Variants in PTPRD observed in about 807,000 individuals in gnomAD.
PTPRD encodes the protein receptor-type tyrosine-protein phosphatase delta.
In PTPRD, 34 loss-of-function variants were observed where a neutral mutation model predicts 214.5. The observed-to-expected ratio is 0.16, with a 90% CI of 0.12 to 0.21. The LOEUF (loss-of-function observed/expected upper bound fraction) is 0.21. Ranked by LOEUF, PTPRD falls within the 10% of genes least tolerant of loss-of-function variation. The pLI is 1.00. For missense variants in PTPRD, 2,545 were observed against 2,398.7 expected, an observed-to-expected ratio of 1.06 and a Z score of -1.27; for synonymous variants, 1,128 against 845.7, an observed-to-expected ratio of 1.33 and a Z score of -5.79.
intron 3 of PTPRD, among the ~76,000 whole-genome samples, chr9:10,097,397 A>G (rs2098502081): frequency 1.4e-5 from 2 of 146,468 alleles, no homozygotes; most frequent in Non-Finnish European, 3.0e-5. Flanking sequence ...ATTTGTTTGT[A>G]TCCTCTTTTA....
chr9:9,320,595 C>T (rs559730369), intron 9 of PTPRD, among the ~76,000 whole-genome samples: 14 of 152,240 alleles, frequency 9.2e-5, no homozygotes, highest in African/African-American at 2.2e-4. Context: ...CCCTTCCCAT[C>T]CTTCGTCTAC....
intron 39 of PTPRD, among the ~76,000 whole-genome samples, chr9:8,368,845 G>A (rs1198512642): frequency 6.6e-6 from 1 of 152,002 alleles, no homozygotes. Context: ...AATTATTGGT[G>A]TATGAAAACA....
chr9:9,848,525 TGA>T (rs2059957243), intron 5 of PTPRD, among the ~76,000 whole-genome samples: 1 of 152,162 alleles, frequency 6.6e-6, no homozygotes, highest in Admixed American at 6.6e-5. Context: ...ATGAGAAGAC[TGA>T]GACTTTAAGA....
chr9:8,885,610 C>T (rs2098480993), intron 11 of PTPRD, among the ~76,000 whole-genome samples: 2 of 151,052 alleles, frequency 1.3e-5, no homozygotes, highest in South Asian at 4.2e-4. Context: ...AATTCTCATG[C>T]CTCAGCTTCC....
chr9:9,481,551 A>G (rs907008882), intron 8 of PTPRD, among the ~76,000 whole-genome samples: 49 of 152,200 alleles, frequency 3.2e-4, no homozygotes, highest in Non-Finnish European at 3.5e-4. Flanking sequence ...ATTTAAAATC[A>G]GAAGAAAAAT....
chr9:10,164,880 G>C (rs2099149777), intron 3 of PTPRD, among the ~76,000 whole-genome samples: 1 of 147,016 alleles, frequency 6.8e-6, no homozygotes, highest in African/African-American at 2.5e-5. Context: ...GGACATGGAA[G>C]TAATTTGAAC....
intron 2 of PTPRD, among the ~76,000 whole-genome samples, chr9:10,525,403 T>C (rs1299350515): frequency 6.6e-6 from 1 of 152,006 alleles, no homozygotes; most frequent in Non-Finnish European, 1.5e-5. Context: ...AGAGTACTTT[T>C]TCTATACCAA....
intron 5 of PTPRD, among the ~76,000 whole-genome samples, chr9:9,823,283 C>T (rs1190474085): frequency 1.3e-5 from 2 of 151,816 alleles, no homozygotes; most frequent in Non-Finnish European, 2.9e-5. Context: ...TGATGGAAGG[C>T]AAAGGGGGAG....
At chr9:10,133,380 T>C (rs1004814541) in intron 3 of PTPRD, among the ~76,000 whole-genome samples, 3 of 152,184 alleles carry the variant, frequency 2.0e-5, no homozygotes, top group Admixed American at 6.5e-5. Context: ...TTGTGTCCAA[T>C]GTTTAACTCT....
chr9:9,052,927 A>C (rs1590632429), intron 10 of PTPRD, among the ~76,000 whole-genome samples: 1 of 152,182 alleles, frequency 6.6e-6, no homozygotes, highest in East Asian at 1.9e-4. Flanking sequence ...CTAACTATCT[A>C]CAGCAAATAA....
At chr9:8,500,558 G>GAAAAAAAAAAAAAAAAAAAAAAAAAAA (rs146807692) in intron 24 of PTPRD, among the ~76,000 whole-genome samples, 196 bp downstream of exon 24, 1 of 14,310 alleles carries the variant, frequency 7.0e-5, no homozygotes, top group African/African-American at 3.1e-4. Context: ...TGAAAAAAAT[G>GAAAAAAAAAAAAAAAAAAAAAAAAAAA]AAAAAAAAAA....
At chr9:8,978,832 A>G (rs1325386629) in intron 11 of PTPRD, among the ~76,000 whole-genome samples, 1 of 152,160 alleles carries the variant, frequency 6.6e-6, no homozygotes, top group Non-Finnish European at 1.5e-5. Context: ...TAGAGAAGCA[A>G]AAGCTACTAT....
intron 3 of PTPRD, among the ~76,000 whole-genome samples, chr9:10,303,393 C>G (rs2095933080): frequency 6.6e-6 from 1 of 151,452 alleles, no homozygotes; most frequent in Non-Finnish European, 1.5e-5. Context: ...TAGCAGAAGA[C>G]AAGAAATAAC....
intron 10 of PTPRD, among the ~76,000 whole-genome samples, chr9:9,117,863 TAG>T (rs2099813823): frequency 6.6e-6 from 1 of 151,940 alleles, no homozygotes; most frequent in Admixed American, 6.6e-5. Context: ...GAATGTATGG[TAG>T]AGGCAAAGAA....
chr9:9,905,161 T>C (rs575417106), intron 5 of PTPRD, among the ~76,000 whole-genome samples: 12 of 152,148 alleles, frequency 7.9e-5, no homozygotes, highest in African/African-American at 2.9e-4. Flanking sequence ...CGACATTTTT[T>C]TTCAAAGTTC....
At chr9:8,545,423 G>C (rs996340383) in intron 14 of PTPRD, among the ~76,000 whole-genome samples, 18 of 152,146 alleles carry the variant, frequency 1.2e-4, no homozygotes, top group African/African-American at 4.1e-4. Context: ...CTAAAAAGCA[G>C]ATCAAATGGA....
At chr9:9,480,024 G>A (rs1055067097) in intron 8 of PTPRD, among the ~76,000 whole-genome samples, 3 of 152,136 alleles carry the variant, frequency 2.0e-5, no homozygotes, top group African/African-American at 7.2e-5. Flanking sequence ...TAATGGTAAA[G>A]TTTGATGGCA....
rs2099004539 is a variant in PTPRD at position 8,937,348 on chromosome 9, T to A, written c.-104+81349A>T. 2.0e-5 allele frequency among the ~76,000 whole-genome samples: 3 copies of A among 152,170 alleles called. No homozygotes were observed. The South Asian group carries it at 6.2e-4, about 31-fold the overall frequency. On this transcript the variant is annotated intron_variant, in intron 11 of 45. Coordinates refer to ENST00000381196, the MANE Select transcript of PTPRD (RefSeq NM_002839.4). ...TCAGTTCACATCAGATTCCCTTTCT[T>A]ATAAAGCCACATTTTCAGAATCACA...
chr9:8,360,350 T>C (rs1367487097), intron 39 of PTPRD, among the ~76,000 whole-genome samples: 2 of 152,208 alleles, frequency 1.3e-5, no homozygotes, highest in Non-Finnish European at 2.9e-5. Context: ...CTGCTAATCA[T>C]TGGTCATACT....
Sources: allele counts gnomAD v4.1 joint callset (sites outside exome capture counted in the v4.1 genomes callset), GRCh38; gene constraint gnomAD v4.1.1; transcripts MANE v1.5; gene names NCBI Gene and HGNC (gene_info 2026-07-23, HGNC 2026-07-21).